The following ATP6V1B2 variants were observed in gnomAD, a reference collection of about 807,000 sequenced individuals.
ATP6V1B2 encodes V-type proton ATPase subunit B, brain isoform.
In ATP6V1B2, 23 loss-of-function variants were observed where a neutral mutation model predicts 66.7. The observed-to-expected ratio is 0.34, with a 90% CI of 0.25 to 0.49. The LOEUF is 0.49. Among genes scored for constraint, ATP6V1B2 ranks in the 20% least tolerant of loss-of-function variants. The pLI is 0.99. For synonymous variants in ATP6V1B2, 278 were observed against 236.7 expected (o/e 1.17, Z -1.60); for missense variants, 478 against 650.8 (o/e 0.73, Z 2.89).
intron 9 of ATP6V1B2, chr8:20,213,317 T>G (rs1222784910): frequency 1.1e-5 from 2 of 185,734 alleles, no homozygotes; most frequent in African/African-American, 4.8e-5. Flanking sequence ...CAGCACTTTT[T>G]TCTTCAGAAA....
intron 9 of ATP6V1B2, chr8:20,213,665 T>C (rs954925962): frequency 5.9e-5 from 9 of 152,146 alleles, no homozygotes; most frequent in African/African-American, 4.8e-5. Context: ...AGAAAGATTA[T>C]AACAGTTACC....
At chr8:20,218,913 C>A (rs2072881386) in intron 13 of ATP6V1B2, among the ~76,000 whole-genome samples, 1 of 152,152 alleles carries the variant, frequency 6.6e-6, no homozygotes, top group Non-Finnish European at 1.5e-5. Flanking sequence ...GCTGACCTGC[C>A]TAGCAGTGCC....
At chr8:20,203,218 C>T (rs1373815580) in intron 1 of ATP6V1B2, among the ~76,000 whole-genome samples, 2 of 152,096 alleles carry the variant, frequency 1.3e-5, no homozygotes, top group East Asian at 3.9e-4. Context: ...GTTGGGGGGC[C>T]TCTATTGAGA....
At chr8:20,200,158 A>G (rs918424651) in intron 1 of ATP6V1B2, among the ~76,000 whole-genome samples, 56 of 151,916 alleles carry the variant, frequency 3.7e-4, no homozygotes, top group African/African-American at 1.2e-3. Context: ...GGACACCACT[A>G]CGTCCAGCTA....
Position 20,211,639 on chromosome 8 carries a change from C to T in ATP6V1B2, c.604-13C>T. The T allele has an allele frequency of 6.3e-7, 1 of 1,594,770 alleles. No homozygotes were observed. Among genetic ancestry groups the T allele is most frequent in the Non-Finnish European group, 8.5e-7 (1 of 1,173,336 alleles). On this transcript the variant is annotated splice_polypyrimidine_tract_variant and intron_variant, in intron 6 of 13. Coordinates refer to ENST00000276390, the MANE Select transcript of ATP6V1B2 (RefSeq NM_001693.4). ...TTTAGATTTCAACTGAATTCTTCTA[C>T]TTTGTTCATCAGATTGCAGCTCAGA...
intron 1 of ATP6V1B2, among the ~76,000 whole-genome samples, chr8:20,202,484 CT>C (rs2072697531): frequency 6.6e-6 from 1 of 152,174 alleles, no homozygotes; most frequent in African/African-American, 2.4e-5. Flanking sequence ...TACTTACTAA[CT>C]TTTTAAAAGG....
Position 20,212,925 on chromosome 8 carries a change from C to A in ATP6V1B2, c.927+20C>A, listed in dbSNP as rs1162936094. On this transcript the variant is annotated intron_variant, in intron 9 of 13. Transcript: ENST00000276390. Reference sequence around the variant, plus strand: ...CGAGAGGTAAGTTGTTCATGTTTTTCCCTCAGTTAAACAAAATTGGTTAAT... The same window carrying A: ...CGAGAGGTAAGTTGTTCATGTTTTTACCTCAGTTAAACAAAATTGGTTAAT... The A allele has an allele frequency of 6.2e-7, 1 of 1,612,568 alleles. No homozygotes were observed. Among genetic ancestry groups the A allele is most frequent in the South Asian group, 1.1e-5 (1 of 90,764 alleles).
chr8:20,204,533 T>C lies in ATP6V1B2; in HGVS notation c.186T>C (p.His62=). 1 of 1,610,946 alleles carries C rather than the reference T, an allele frequency of 6.2e-7. No homozygotes were observed. The highest frequency in any genetic ancestry group is 8.5e-7 in the Non-Finnish European group (1 of 1,177,268). ...ATGGTCCACTAGTGATCTTAGATCA[T>C]GTTAAGGTAATACCACTATCTGTTT... ...GVNGPLVILD[H]VKFPRYAEIV... is the part of the protein sequence containing the mutation. Residue 62 remains histidine (H), a synonymous_variant, in exon 2 of 14, where the codon CAT becomes CAC. Transcript: ENST00000276390.
chr8:20,211,699 A>C lies in ATP6V1B2; in HGVS notation c.651A>C (p.Lys217Asn). The change falls in exon 7 of 14, where the codon AAA (lysine) becomes AAC (asparagine). Residue 217 changes from lysine to asparagine, a missense_variant. Lys to Asn is a moderately conservative substitution (Grantham distance 94). Coordinates refer to ENST00000276390, the MANE Select transcript of ATP6V1B2 (RefSeq NM_001693.4). ...AGGCTGGTTTGGTAAAGAAATCCAA[A>C]GATGTAGTAGACTACAGTGAGGAAA... ...CRQAGLVKKS[K>N]DVVDYSEENF... 1 of 1,612,968 alleles carries C rather than the reference A, an allele frequency of 6.2e-7. No individual in the cohort carries two copies. The highest frequency in any genetic ancestry group is 8.5e-7 in the Non-Finnish European group (1 of 1,179,670).
intron 1 of ATP6V1B2, among the ~76,000 whole-genome samples, chr8:20,201,062 C>T (rs567785458): frequency 2.1e-4 from 32 of 152,298 alleles, no homozygotes; most frequent in African/African-American, 7.7e-4. Context: ...CCTTAAAACC[C>T]GTGTAGATTT....
At chr8:20,212,660 C>T (rs1369999468) in intron 8 of ATP6V1B2, 122 bp from the exon 9 acceptor site, 14 of 1,359,646 alleles carry the variant, frequency 1.0e-5, no homozygotes, top group Non-Finnish European at 1.3e-5. Flanking sequence ...CTGCTTTACT[C>T]TCCTCAATTC....
At chr8:20,214,325 T>C (rs1174230713) in intron 9 of ATP6V1B2, 2 of 152,328 alleles carry the variant, frequency 1.3e-5, no homozygotes, top group African/African-American at 4.8e-5. Flanking sequence ...TTCCAACTGT[T>C]AATTGGAGGT....
intron 1 of ATP6V1B2, among the ~76,000 whole-genome samples, chr8:20,199,849 A>C (rs1020432235): frequency 6.6e-6 from 1 of 151,996 alleles, no homozygotes; most frequent in Non-Finnish European, 1.5e-5. Flanking sequence ...GAGCTCAGGC[A>C]ATCCGCCTAC....
At chr8:20,199,077 T>C (rs1226785399) in intron 1 of ATP6V1B2, among the ~76,000 whole-genome samples, 1 of 152,238 alleles carries the variant, frequency 6.6e-6, no homozygotes, top group African/African-American at 2.4e-5. Flanking sequence ...AATCATTCAG[T>C]GTCAATTCAG....
At chr8:20,204,460 T>C (rs2072717994) in intron 1 of ATP6V1B2, 24 bp from the exon 2 acceptor site, 2 of 1,604,058 alleles carry the variant, frequency 1.2e-6, no homozygotes, top group South Asian at 2.2e-5. Context: ...TGACTAAAAC[T>C]GACTCTTCTG....
At chr8:20,211,866 A>G (rs1585251438) in intron 7 of ATP6V1B2, 113 bp downstream of exon 7, 6 of 974,790 alleles carry the variant, frequency 6.2e-6, no homozygotes, top group African/African-American at 5.0e-5. Context: ...AGAATTTGCA[A>G]TCTGGCATTT....
intron 9 of ATP6V1B2, chr8:20,213,288 A>C: frequency 4.1e-6 from 1 of 242,046 alleles, no homozygotes. Flanking sequence ...TAAAGACCCT[A>C]CTCTCACAGT....
At chr8:20,204,707 G>T (rs1449163678) in intron 2 of ATP6V1B2, among the ~76,000 whole-genome samples, 168 bp downstream of exon 2, 3 of 152,050 alleles carry the variant, frequency 2.0e-5, no homozygotes, top group Non-Finnish European at 4.4e-5. Context: ...AGATACCCTG[G>T]GCTAAGATTT....
intron 2 of ATP6V1B2, among the ~76,000 whole-genome samples, chr8:20,207,416 T>C (rs917751404): frequency 6.6e-6 from 1 of 152,086 alleles, no homozygotes; most frequent in Non-Finnish European, 1.5e-5. Flanking sequence ...AAATTCCAGA[T>C]GAATTAAAGA....
Sources: gnomAD v4.1 joint callset for allele counts (sites outside exome capture counted in the v4.1 genomes callset) on GRCh38, gnomAD v4.1.1 for gene constraint, MANE v1.5 for transcripts, NCBI Gene and HGNC (gene_info 2026-07-23, HGNC 2026-07-21) for gene names.